The following CD1B variants were observed in gnomAD, a reference collection of about 807,000 sequenced individuals.
CD1B encodes CD1b molecule, also known as T-cell surface glycoprotein CD1b.
CD1B carries 43 observed loss-of-function variants against 39.8 expected under a neutral mutation model. The observed-to-expected ratio is 1.08, with a 90% CI of 0.85 to 1.39. The LOEUF (loss-of-function observed/expected upper bound fraction) is 1.39, where lower values mean the gene tolerates loss of function less well. CD1B is among the 40% of genes most tolerant of loss of function. The pLI is 0.00. For missense variants in CD1B, 495 were observed against 403.8 expected, an observed-to-expected ratio of 1.23 and a Z score of -1.94; for synonymous variants, 192 against 152.5, an observed-to-expected ratio of 1.26 and a Z score of -1.91.
the CD1B span, among the ~76,000 whole-genome samples, chr1:158,318,465 A>G: frequency 6.6e-6 from 1 of 152,074 alleles, no homozygotes; most frequent in Non-Finnish European, 1.5e-5. Flanking sequence ...AGTCGGTTTT[A>G]TCAGAGACTA....
Position 158,329,462 on chromosome 1 carries a change from G to T in CD1B, c.794C>A (p.Ala265Glu). Reference sequence around the variant, plus strand: ...CTCCCCATCTGCCACATCCAGGGTTGCTCGGAGATACCATGTCCAGTTAGC... The same window carrying T: ...CTCCCCATCTGCCACATCCAGGGTTTCTCGGAGATACCATGTCCAGTTAGC... ...PNANWTWYLR[A>E]TLDVADGEAA... is the part of the protein sequence containing the mutation. Residue 265 changes from alanine (A) to glutamate (E), a missense_variant, in exon 4 of 6, where the codon GCA (alanine) becomes GAA (glutamate). By Grantham distance (107) the Ala-to-Glu change is moderately radical. Coordinates refer to ENST00000368168, the MANE Select transcript of CD1B (RefSeq NM_001764.3). 1 of 1,614,176 alleles carries T rather than the reference G, an allele frequency of 6.2e-7. No individual in the cohort carries two copies. Among genetic ancestry groups the T allele is most frequent in the Non-Finnish European group, 8.5e-7 (1 of 1,180,030 alleles).
At chr1:158,295,363 G>A in the CD1B span, among the ~76,000 whole-genome samples, 2 of 152,110 alleles carry the variant, frequency 1.3e-5, no homozygotes, top group Non-Finnish European at 2.9e-5. Context: ...TTCTAGGGAA[G>A]GGGTTGGTTA....
At chr1:158,310,122 C>G in the CD1B span, among the ~76,000 whole-genome samples, 16 of 152,090 alleles carry the variant, frequency 1.1e-4, no homozygotes, top group Admixed American at 1.3e-4. Flanking sequence ...AAAACAAACA[C>G]ATAGATAAAT....
the CD1B span, among the ~76,000 whole-genome samples, chr1:158,310,300 C>T: frequency 6.6e-6 from 1 of 152,140 alleles, no homozygotes; most frequent in Non-Finnish European, 1.5e-5. Flanking sequence ...CTTCCTTTCA[C>T]CACATACAAA....
the CD1B span, among the ~76,000 whole-genome samples, chr1:158,319,527 C>G: frequency 2.0e-5 from 3 of 152,194 alleles, no homozygotes; most frequent in Admixed American, 1.3e-4. Flanking sequence ...CTCCTTTAAG[C>G]ACTTCTCTGT....
At chr1:158,294,062 AGGAAAAGTG>A in the CD1B span, among the ~76,000 whole-genome samples, 1 of 152,212 alleles carries the variant, frequency 6.6e-6, no homozygotes, top group Admixed American at 6.5e-5. Flanking sequence ...TAAACATTTA[AGGAAAAGTG>A]CAGCCTTGTG....
the CD1B span, among the ~76,000 whole-genome samples, chr1:158,288,642 C>T: frequency 6.6e-6 from 1 of 152,214 alleles, no homozygotes; most frequent in Non-Finnish European, 1.5e-5. Context: ...ATCTTCCCAC[C>T]TTGGTCTCCC....
At chr1:158,300,587 G>A in the CD1B span, among the ~76,000 whole-genome samples, 2 of 152,058 alleles carry the variant, frequency 1.3e-5, no homozygotes, top group Non-Finnish European at 2.9e-5. Flanking sequence ...GAATGTTAAA[G>A]TCTCCCATTA....
the CD1B span, among the ~76,000 whole-genome samples, chr1:158,298,641 C>T: frequency 1.1e-4 from 16 of 152,262 alleles, no homozygotes; most frequent in Non-Finnish European, 1.6e-4. Flanking sequence ...TTCTTCCTAT[C>T]GATGAGCATG....
chr1:158,317,110 G>T, the CD1B span, among the ~76,000 whole-genome samples: 4 of 152,100 alleles, frequency 2.6e-5, no homozygotes, highest in Admixed American at 6.5e-5. Flanking sequence ...GATATTGATT[G>T]GTCTAAAATT....
At chr1:158,291,187 C>A in the CD1B span, 1 of 1,613,862 alleles carries the variant, frequency 6.2e-7, no homozygotes, top group Non-Finnish European at 8.5e-7. Flanking sequence ...ATTTGTCAAC[C>A]AATCCTGGGC....
chr1:158,331,291 A>G (rs1286132827), intron 1 of CD1B, 72 bp downstream of exon 1: 1 of 1,403,236 alleles, frequency 7.1e-7, no homozygotes, highest in Non-Finnish European at 1.0e-6. Flanking sequence ...AATTGCACCT[A>G]GGAAAGCCCT....
chr1:158,310,286 A>T, the CD1B span, among the ~76,000 whole-genome samples: 1 of 152,220 alleles, frequency 6.6e-6, no homozygotes, highest in Non-Finnish European at 1.5e-5. Flanking sequence ...TTGAAAATTT[A>T]CATCTTCCTT....
At chr1:158,301,715 A>T in the CD1B span, among the ~76,000 whole-genome samples, 2 of 151,998 alleles carry the variant, frequency 1.3e-5, no homozygotes, top group Non-Finnish European at 2.9e-5. Context: ...GGCTGCCCTT[A>T]ACGTTTTTCC....
At chr1:158,303,461 A>G in the CD1B span, among the ~76,000 whole-genome samples, 1,868 of 152,268 alleles carry the variant, frequency 0.012, 37 homozygotes, top group African/African-American at 0.04. Flanking sequence ...GCATTCAAAT[A>G]AAAAGAGAGG....
At chr1:158,298,607 G>C in the CD1B span, among the ~76,000 whole-genome samples, 1 of 152,174 alleles carries the variant, frequency 6.6e-6, no homozygotes, top group Admixed American at 6.5e-5. Context: ...ACTTTGGGCA[G>C]TATGGCCATT....
chr1:158,287,896 C>T, the CD1B span, among the ~76,000 whole-genome samples: 1 of 152,256 alleles, frequency 6.6e-6, no homozygotes, highest in East Asian at 1.9e-4. Flanking sequence ...CAAGTTGGTA[C>T]CACAGGGTAA....
At chr1:158,319,568 A>T in the CD1B span, among the ~76,000 whole-genome samples, 108 of 152,002 alleles carry the variant, frequency 7.1e-4, no homozygotes, top group African/African-American at 2.6e-3. Flanking sequence ...ATTCTTCTAA[A>T]TTTTTTTCCA....
the CD1B span, among the ~76,000 whole-genome samples, chr1:158,318,302 C>T: frequency 4.6e-5 from 7 of 152,130 alleles, no homozygotes; most frequent in Non-Finnish European, 1.0e-4. Context: ...GAGTCTAAGT[C>T]TCTTTGTAGG....
Sources: allele counts gnomAD v4.1 joint callset (sites outside exome capture counted in the v4.1 genomes callset), GRCh38; gene constraint gnomAD v4.1.1; transcripts MANE v1.5; gene names NCBI Gene and HGNC (gene_info 2026-07-23, HGNC 2026-07-21).